The following DST variants were observed in gnomAD, a reference collection of about 807,000 sequenced individuals.
DST encodes the protein dystonin, also known as bullous pemphigoid antigen.
DST carries 253 observed loss-of-function variants against 875.2 expected under a neutral mutation model. That is an observed-to-expected ratio of 0.29 (90% CI 0.26 to 0.32). The LOEUF (loss-of-function observed/expected upper bound fraction) is 0.32. Among genes scored for constraint, DST ranks in the 10% least tolerant of loss-of-function variants. The pLI is 1.00. For synonymous variants in DST, 3,124 were observed against 3,197.1 expected, an observed-to-expected ratio of 0.98 and a Z score of 0.77; for missense variants, 8,287 against 9,111.6, an observed-to-expected ratio of 0.91 and a Z score of 3.68.
At chr6:56,952,112 C>A (rs1450219543) in intron 2 of DST, among the ~76,000 whole-genome samples, 1 of 152,202 alleles carries the variant, frequency 6.6e-6, no homozygotes, top group East Asian at 1.9e-4. Flanking sequence ...GTAGACAAGG[C>A]AAATACCACA....
intron 10 of DST, among the ~76,000 whole-genome samples, chr6:56,664,264 T>G (rs892941280): frequency 2.0e-5 from 3 of 152,196 alleles, no homozygotes; most frequent in Non-Finnish European, 4.4e-5. Flanking sequence ...GTTTTGGAAT[T>G]TGGCTTTCAT....
rs1452565033 is a variant in DST at position 56,527,683 on chromosome 6, T to A, written c.17732A>T (p.Tyr5911Phe). 1 of 1,612,806 alleles carries A rather than the reference T, an allele frequency of 6.2e-7. No individual in the cohort carries two copies. Among genetic ancestry groups the A allele is most frequent in the Non-Finnish European group, 8.5e-7 (1 of 1,179,324 alleles). Residue 5911 changes from tyrosine (Y) to phenylalanine (F), a missense_variant, in exon 68 of 104, where the codon TAC (tyrosine) becomes TTC (phenylalanine). Tyr to Phe is a conservative substitution (Grantham distance 22). Around this residue, in one of 10 missense-constraint regions of DST, gnomAD observed 777 missense variants for 764.8 expected, o/e 1.02. Transcript: ENST00000680361. ...QDKLEAIKAR[Y>F]KDITKLSTDV... is the part of the protein sequence containing the mutation. ...AGTGCTCAGTTTAGTAATGTCTTTGTACCTTGCTTTAATGGCTTCCAATTT... is the reference window on the plus strand; with the variant it reads ...AGTGCTCAGTTTAGTAATGTCTTTGAACCTTGCTTTAATGGCTTCCAATTT...
At chr6:56,952,468 T>G (rs1822848719) in intron 2 of DST, among the ~76,000 whole-genome samples, 1 of 152,232 alleles carries the variant, frequency 6.6e-6, no homozygotes, top group South Asian at 2.1e-4. Flanking sequence ...AATCTCATAT[T>G]CAAAAATTGT....
chr6:56,670,515 T>C, intron 10 of DST, 126 bp downstream of exon 10: 1 of 795,458 alleles, frequency 1.3e-6, no homozygotes, highest in Non-Finnish European at 1.8e-6. Flanking sequence ...TTATTTTAAT[T>C]TTTCTGTATT....
intron 43 of DST, 120 bp from the exon 44 acceptor site, chr6:56,601,796 A>AT (rs2098448637): frequency 3.1e-6 from 2 of 637,896 alleles, no homozygotes; most frequent in Admixed American, 3.5e-5. Context: ...AGTTTTATGA[A>AT]TTTTTTTGCT....
At chr6:56,827,260 A>T (rs1227198664) in intron 4 of DST, among the ~76,000 whole-genome samples, 1 of 152,186 alleles carries the variant, frequency 6.6e-6, no homozygotes, top group Non-Finnish European at 1.5e-5. Context: ...TCTCGCCTGT[A>T]ATCCCAGCAC....
Position 56,617,289 on chromosome 6 carries a change from C to T in DST, c.4930-2805G>A, listed in dbSNP as rs150618709. On this transcript the variant is annotated intron_variant, in intron 36 of 103. Transcript: ENST00000680361. ...GGTTCTAAGCCCTTCTTAAGGAAAT[C>T]CCCTTTCTTGAGTCCACCAGATGCT... is the stretch of plus-strand genomic sequence containing the variant. 3.0e-5 allele frequency: 49 copies of T among 1,613,376 alleles called. No homozygotes were observed. The African/African-American group carries it at 6.0e-4, about 20-fold the overall frequency.
At chr6:56,871,200 T>C (rs1052452175) in intron 3 of DST, 11 of 756,806 alleles carry the variant, frequency 1.5e-5, no homozygotes, top group Middle Eastern at 3.6e-4. Context: ...AATGGTTCAC[T>C]ATTTACTTGA....
intron 61 of DST, among the ~76,000 whole-genome samples, 169 bp downstream of exon 61, chr6:56,552,015 G>C (rs1253930957): frequency 6.6e-6 from 1 of 152,146 alleles, no homozygotes; most frequent in East Asian, 1.9e-4. Context: ...CAGTGGCCTT[G>C]TAACTGCCCC....
intron 10 of DST, among the ~76,000 whole-genome samples, chr6:56,668,253 G>A (rs1402020613): frequency 6.6e-6 from 1 of 152,178 alleles, no homozygotes; most frequent in Non-Finnish European, 1.5e-5. Flanking sequence ...TAAGTCACCT[G>A]GAAAGTGTAA....
chr6:56,858,433 ACAG>A (rs1769168836), intron 3 of DST, among the ~76,000 whole-genome samples: 1 of 152,160 alleles, frequency 6.6e-6, no homozygotes, highest in Non-Finnish European at 1.5e-5. Context: ...TGCTGATGGG[ACAG>A]AAGAGGGAGA....
chr6:56,543,917 AT>A (rs1331738163), intron 61 of DST, among the ~76,000 whole-genome samples: 57 of 152,278 alleles, frequency 3.7e-4, no homozygotes, highest in Middle Eastern at 6.8e-3. Context: ...TAACTCATCC[AT>A]TCAACAATTA....
chr6:56,767,404 G>A (rs994266673), intron 4 of DST, among the ~76,000 whole-genome samples: 1 of 152,038 alleles, frequency 6.6e-6, no homozygotes, highest in Non-Finnish European at 1.5e-5. Flanking sequence ...ATCACTTGAG[G>A]TCAGGCATTC....
chr6:56,506,647 G>C lies in DST; in HGVS notation c.19362+20C>G, dbSNP rs753356970. Reference sequence around the variant, plus strand: ...CTAAAAACTTTTTAAAAGCCATTCTGATAAGTAAGCCAGTTGTACCTCATC... The same window carrying C: ...CTAAAAACTTTTTAAAAGCCATTCTCATAAGTAAGCCAGTTGTACCTCATC... On this transcript the variant is annotated intron_variant, in intron 76 of 103. Transcript: ENST00000680361. The C allele has an allele frequency of 1.9e-6, 3 of 1,612,976 alleles. No individual in the cohort carries two copies. The highest frequency in any genetic ancestry group is 2.5e-6 in the Non-Finnish European group (3 of 1,179,462).
intron 4 of DST, among the ~76,000 whole-genome samples, chr6:56,751,465 T>A (rs1467204265): frequency 1.3e-5 from 2 of 152,194 alleles, no homozygotes; most frequent in African/African-American, 4.8e-5. Context: ...ATTATTTTTT[T>A]ACAGCAGGCA....
intron 61 of DST, among the ~76,000 whole-genome samples, chr6:56,539,205 G>C (rs2097075476): frequency 6.6e-6 from 1 of 152,036 alleles, no homozygotes; most frequent in African/African-American, 2.4e-5. Flanking sequence ...GTTTATATTG[G>C]AGTAGATCTA....
At chr6:56,563,193 A>T (rs1457489918) in intron 55 of DST, among the ~76,000 whole-genome samples, 4 of 152,018 alleles carry the variant, frequency 2.6e-5, no homozygotes, top group African/African-American at 9.7e-5. Context: ...ACTAATTTAC[A>T]CTCCCATCAA....
intron 9 of DST, among the ~76,000 whole-genome samples, 160 bp from the exon 10 acceptor site, chr6:56,670,967 C>T (rs566211781): frequency 1.3e-5 from 2 of 152,324 alleles, no homozygotes; most frequent in Admixed American, 6.5e-5. Flanking sequence ...AACATGTGTA[C>T]AGCACTTAAG....
chr6:56,539,092 C>T (rs553290004), intron 61 of DST, among the ~76,000 whole-genome samples: 3 of 152,094 alleles, frequency 2.0e-5, no homozygotes, highest in East Asian at 3.9e-4. Context: ...TTCAAGGAAA[C>T]GTTTTATTTT....
Sources: gnomAD v4.1 joint callset for allele counts (sites outside exome capture counted in the v4.1 genomes callset) on GRCh38, gnomAD v4.1.1 for gene constraint, gnomAD v4.1.1 regional missense constraint, MANE v1.5 for transcripts, NCBI Gene and HGNC (gene_info 2026-07-23, HGNC 2026-07-21) for gene names.